TSHZ2: variants seen among roughly 807,000 people sequenced by gnomAD.
TSHZ2 encodes teashirt homolog 2.
Under a neutral mutation model 74.4 loss-of-function variants are expected in TSHZ2, and 21 were observed. That is an observed-to-expected ratio of 0.28 (90% CI 0.20 to 0.41). The LOEUF (loss-of-function observed/expected upper bound fraction) is 0.41, where lower values mean the gene tolerates loss of function less well. Ranked by LOEUF, TSHZ2 falls within the 10% of genes least tolerant of loss-of-function variation. The pLI, the probability that TSHZ2 is intolerant of heterozygous loss-of-function variation, is 1.00. For synonymous variants in TSHZ2, 540 were observed against 515.3 expected (o/e 1.05, Z -0.65); for missense variants, 1,244 against 1,293.5 (o/e 0.96, Z 0.59).
chr20:53,002,526 C>T (rs1982477894), intron 1 of TSHZ2, among the ~76,000 whole-genome samples: 2 of 152,128 alleles, frequency 1.3e-5, no homozygotes, highest in South Asian at 4.1e-4. Flanking sequence ...ACCACAGCCT[C>T]CATTCTCTGG....
chr20:53,463,405 A>C, intron 2 of TSHZ2, among the ~76,000 whole-genome samples: 1 of 115,498 alleles, frequency 8.7e-6, no homozygotes, highest in South Asian at 3.7e-4. Flanking sequence ...GAAGGAAGGA[A>C]GGAAGGAAGG....
intron 2 of TSHZ2, among the ~76,000 whole-genome samples, chr20:53,286,348 C>T (rs569392840): frequency 6.6e-6 from 1 of 152,224 alleles, no homozygotes; most frequent in Non-Finnish European, 1.5e-5. Flanking sequence ...AGTGTGGAGA[C>T]AAAAGTGTGA....
At chr20:53,480,228 C>G (rs1986114212) in intron 2 of TSHZ2, among the ~76,000 whole-genome samples, 1 of 151,884 alleles carries the variant, frequency 6.6e-6, no homozygotes, top group African/African-American at 2.4e-5. Context: ...GCCACCACCA[C>G]CAGCTAATTT....
chr20:53,092,850 C>T (rs567385776), intron 1 of TSHZ2, among the ~76,000 whole-genome samples: 1 of 152,242 alleles, frequency 6.6e-6, no homozygotes, highest in African/African-American at 2.4e-5. Context: ...TGTAAAAGGG[C>T]AGTGGATATA....
chr20:53,273,194 A>C (rs1218881668), intron 2 of TSHZ2, among the ~76,000 whole-genome samples: 1 of 152,258 alleles, frequency 6.6e-6, no homozygotes, highest in South Asian at 2.1e-4. Flanking sequence ...TTTTGAGACC[A>C]TGCTAACTGG....
intron 1 of TSHZ2, among the ~76,000 whole-genome samples, chr20:53,020,242 G>A (rs1038976719): frequency 6.6e-6 from 1 of 152,082 alleles, no homozygotes; most frequent in African/African-American, 2.4e-5. Flanking sequence ...GTCACCATCG[G>A]TCCTCGTGTT....
At chr20:53,471,181 A>C (rs189608279) in intron 2 of TSHZ2, among the ~76,000 whole-genome samples, 1 of 152,168 alleles carries the variant, frequency 6.6e-6, no homozygotes, top group Non-Finnish European at 1.5e-5. Flanking sequence ...TGTTTCTTTC[A>C]TAGAATTAGA....
At chr20:53,194,208 G>C (rs1254027832) in intron 1 of TSHZ2, among the ~76,000 whole-genome samples, 2 of 152,132 alleles carry the variant, frequency 1.3e-5, no homozygotes, top group African/African-American at 2.4e-5. Context: ...CTTCTGTTTT[G>C]TTGGGAGCCT....
rs548668778 is a variant in TSHZ2 at position 53,307,796 on chromosome 20, C to T, written c.*8+51225C>T. On this transcript the variant is annotated intron_variant, in intron 2 of 2. Transcript: ENST00000371497. ...TTATGGCCACGGATATGGTTTTAAA[C>T]CCCCAGAGGTGATTCTAATGTGATC... 2.4e-4 allele frequency among the ~76,000 whole-genome samples: 36 copies of T among 152,166 alleles called. 2 individuals carry two copies. The highest frequency in any genetic ancestry group is 8.4e-4 in the African/African-American group (35 of 41,464).
Position 53,255,541 on chromosome 20 carries a change from C to T in TSHZ2, c.2083C>T (p.Leu695Phe). 1.3e-6 allele frequency: 2 copies of T among 1,585,952 alleles called. No individual in the cohort carries two copies. The highest frequency in any genetic ancestry group is 1.7e-6 in the Non-Finnish European group (2 of 1,167,826). ...CCCGGCCCTGCCATGCATCAACCCA[C>T]TCAGCGCCCTGCAGTCCGTCCTGAA... ...HAPALPCINP[L>F]SALQSVLNNH... The change falls in exon 2 of 3, where the codon CTC becomes TTC. Residue 695 changes from leucine to phenylalanine, a missense_variant. This residue lies in a region of TSHZ2 where 562 missense variants were observed against 544.0 expected (regional missense o/e 1.03). Transcript: ENST00000371497. This position sits in a 1 kb window ranked among gnomAD's most constrained non-coding sequence, Gnocchi z 4.1.
chr20:53,432,419 A>T (rs1029481987), intron 2 of TSHZ2, among the ~76,000 whole-genome samples: 4 of 152,244 alleles, frequency 2.6e-5, no homozygotes, highest in Admixed American at 2.0e-4. Flanking sequence ...ATTGTGAATT[A>T]TGCTGTGATA....
chr20:53,452,382 T>C (rs961128270), intron 2 of TSHZ2, among the ~76,000 whole-genome samples: 1 of 152,060 alleles, frequency 6.6e-6, no homozygotes, highest in Non-Finnish European at 1.5e-5. Context: ...GGTAAATCAC[T>C]TGAGGTCAGG....
At chr20:53,146,657 C>T (rs1376115843) in intron 1 of TSHZ2, among the ~76,000 whole-genome samples, 1 of 152,008 alleles carries the variant, frequency 6.6e-6, no homozygotes, top group Admixed American at 6.5e-5. Flanking sequence ...GATGCAAGAC[C>T]AGGAGGTGAA....
chr20:53,039,109 C>A (rs538178490), intron 1 of TSHZ2, among the ~76,000 whole-genome samples: 2 of 140,076 alleles, frequency 1.4e-5, no homozygotes, highest in South Asian at 4.7e-4. Flanking sequence ...TGGTCTCGAA[C>A]TTCCAACCTC....
intron 2 of TSHZ2, among the ~76,000 whole-genome samples, chr20:53,345,226 G>T (rs953315557): frequency 6.6e-6 from 1 of 152,146 alleles, no homozygotes; most frequent in African/African-American, 2.4e-5. Context: ...GAGGCTGGTT[G>T]GCAAGTGTCC....
At chr20:53,195,797 T>C (rs948117274) in intron 1 of TSHZ2, among the ~76,000 whole-genome samples, 1 of 152,162 alleles carries the variant, frequency 6.6e-6, no homozygotes, top group Non-Finnish European at 1.5e-5. Context: ...AGGTAAACTG[T>C]TGCCGAACTA....
chr20:53,190,882 G>C (rs1458036819), intron 1 of TSHZ2, among the ~76,000 whole-genome samples: 1 of 152,176 alleles, frequency 6.6e-6, no homozygotes, highest in Non-Finnish European at 1.5e-5. Context: ...ACAAAGGCTG[G>C]GATGTTTCCA....
chr20:53,485,595 G>C (rs200035010), intron 2 of TSHZ2, among the ~76,000 whole-genome samples: 1 of 152,080 alleles, frequency 6.6e-6, no homozygotes, highest in East Asian at 1.9e-4. Flanking sequence ...TGTAATCCCA[G>C]CTACTCGGGA....
intron 1 of TSHZ2, among the ~76,000 whole-genome samples, chr20:53,221,527 G>A (rs151032618): frequency 0.011 from 1,674 of 152,258 alleles, 13 homozygotes; most frequent in Middle Eastern, 0.024. Context: ...GTTTTGTGAC[G>A]GAGTGGTATA....
Sources: gnomAD v4.1 joint callset for allele counts (sites outside exome capture counted in the v4.1 genomes callset) on GRCh38, gnomAD v4.1.1 for gene constraint, gnomAD v4.1.1 regional missense constraint, Gnocchi (gnomAD v3.1) non-coding constraint, MANE v1.5 for transcripts, NCBI Gene and HGNC (gene_info 2026-07-23, HGNC 2026-07-21) for gene names.